SHB: variants seen among roughly 807,000 people sequenced by gnomAD.
SHB encodes SH2 domain containing adaptor protein B.
A neutral mutation model predicts 52.3 loss-of-function variants in SHB; 20 were observed. That is an observed-to-expected ratio of 0.38 (90% confidence interval 0.27 to 0.56). The LOEUF is 0.56. Among genes scored for constraint, SHB ranks in the 20% least tolerant of loss-of-function variants. SHB has a pLI of 0.71. For synonymous variants in SHB, 397 were observed against 316.5 expected (o/e 1.25, Z -2.70); for missense variants, 825 against 723.3 (o/e 1.14, Z -1.61).
chr9:37,997,557 C>A (rs1460905844), intron 2 of SHB, among the ~76,000 whole-genome samples: 2 of 152,226 alleles, frequency 1.3e-5, no homozygotes, highest in Non-Finnish European at 2.9e-5. Flanking sequence ...TCCACATCCA[C>A]TGGGGCTTGG....
chr9:38,041,311 C>CG (rs1354429031), intron 1 of SHB, among the ~76,000 whole-genome samples: 3 of 152,144 alleles, frequency 2.0e-5, no homozygotes, highest in African/African-American at 4.8e-5. Context: ...ACCAGTCAGG[C>CG]GGGGGCTGTG....
intron 2 of SHB, among the ~76,000 whole-genome samples, chr9:37,997,150 A>T (rs1467412849): frequency 6.6e-6 from 1 of 152,184 alleles, no homozygotes; most frequent in Non-Finnish European, 1.5e-5. Flanking sequence ...GTCATCGAAC[A>T]TCTTGGCAGC....
At chr9:37,946,669 G>A (rs1258154558) in intron 5 of SHB, among the ~76,000 whole-genome samples, 1 of 152,170 alleles carries the variant, frequency 6.6e-6, no homozygotes, top group East Asian at 1.9e-4. Flanking sequence ...TGGGGCTCTG[G>A]TCCTCTAGGA....
chr9:37,984,781 T>G (rs1820783922), intron 2 of SHB, among the ~76,000 whole-genome samples: 1 of 152,050 alleles, frequency 6.6e-6, no homozygotes, highest in Non-Finnish European at 1.5e-5. Context: ...GGAGGTGACT[T>G]TACCCCCATC....
intron 5 of SHB, among the ~76,000 whole-genome samples, chr9:37,928,758 C>G (rs1279052787): frequency 6.6e-6 from 1 of 152,232 alleles, no homozygotes; most frequent in Non-Finnish European, 1.5e-5. Flanking sequence ...GCTCGCCTGG[C>G]CCCTTATGTA....
chr9:38,048,344 A>G (rs929925990), intron 1 of SHB, among the ~76,000 whole-genome samples: 1 of 152,196 alleles, frequency 6.6e-6, no homozygotes, highest in African/African-American at 2.4e-5. Flanking sequence ...TCCTGCGTTT[A>G]AAAAAGTATT....
intron 2 of SHB, among the ~76,000 whole-genome samples, chr9:37,997,766 C>T (rs113692849): frequency 0.014 from 2,097 of 152,282 alleles, 18 homozygotes; most frequent in Middle Eastern, 0.034. Context: ...ACACGGAGGC[C>T]GAGGCACTCT....
chr9:38,005,482 C>T (rs1326310264), intron 2 of SHB, among the ~76,000 whole-genome samples: 1 of 152,184 alleles, frequency 6.6e-6, no homozygotes, highest in Non-Finnish European at 1.5e-5. Context: ...AGGGAGGACT[C>T]AGACCTGCTG....
intron 2 of SHB, among the ~76,000 whole-genome samples, chr9:37,991,571 T>C (rs1475888239): frequency 1.3e-5 from 2 of 152,158 alleles, no homozygotes; most frequent in Non-Finnish European, 2.9e-5. Context: ...AGGTACTCGA[T>C]TATTAAAGAA....
At chr9:38,008,279 C>T (rs918789724) in intron 2 of SHB, among the ~76,000 whole-genome samples, 3 of 152,194 alleles carry the variant, frequency 2.0e-5, no homozygotes, top group Admixed American at 6.5e-5. Flanking sequence ...AGAGTGGGCC[C>T]GCTGGTCGCC....
At chr9:37,963,923 A>G (rs1587216228) in intron 3 of SHB, among the ~76,000 whole-genome samples, 1 of 152,152 alleles carries the variant, frequency 6.6e-6, no homozygotes, top group South Asian at 2.1e-4. Flanking sequence ...ACAGCAAAAC[A>G]AGTATTAGAA....
At chr9:37,968,404 T>C (rs1423821334) in intron 3 of SHB, among the ~76,000 whole-genome samples, 1 of 152,188 alleles carries the variant, frequency 6.6e-6, no homozygotes, top group Non-Finnish European at 1.5e-5. Context: ...CATTGCCCCA[T>C]GGGTCCCAAC....
rs1013253575 is a variant in SHB, at chr9:38,068,704, G to T, written c.-59C>A. On this transcript the variant is annotated 5_prime_UTR_variant, in exon 1 of 6. Transcript: ENST00000377707. ...CCCGGTCCGCCGCCGCGGCCATTCG[G>T]GGGGCAGCGCTGCGGCGCAGGTCCC... 8 of 1,217,600 alleles carry T rather than the reference G, an allele frequency of 6.6e-6. No individual in the cohort carries two copies. The highest frequency in any genetic ancestry group is 3.0e-5 in the South Asian group (1 of 33,056). The allele number at this position is 1,217,600 out of a possible 1,614,324, so 75.4% of individuals were successfully genotyped here.
At chr9:37,936,193 G>T (rs1832368867) in intron 5 of SHB, among the ~76,000 whole-genome samples, 1 of 152,178 alleles carries the variant, frequency 6.6e-6, no homozygotes, top group Non-Finnish European at 1.5e-5. Flanking sequence ...TCCAGCCTGG[G>T]CGACAGAGCG....
chr9:38,049,458 A>C lies in SHB; in HGVS notation c.717+18471T>G, dbSNP rs73439927. On this transcript the variant is annotated intron_variant, in intron 1 of 5. Transcript: ENST00000377707. ...AGCCCATCTCTACTAAAAGAATGCA[A>C]AAATTGGCTGGGTGCGGTGAGGCGC... Among the ~76,000 whole-genome samples, 829 of 152,158 alleles carry C rather than the reference A, an allele frequency of 5.4e-3. 10 individuals are homozygous for C. Among genetic ancestry groups the C allele is most frequent in the African/African-American group, 0.019 (779 of 41,528 alleles).
intron 3 of SHB, among the ~76,000 whole-genome samples, chr9:37,962,816 C>T (rs527585669): frequency 6.6e-6 from 1 of 152,264 alleles, no homozygotes; most frequent in East Asian, 1.9e-4. Flanking sequence ...CCTGGCCTAG[C>T]TTACTCTTTA....
In SHB at chr9:38,068,123, C is replaced by G. The variant is rs866727028; in HGVS notation, c.523G>C (p.Glu175Gln). ...TGCTTGGGGGAGATGTAGCGCACCT[C>G]GGCCGGCGTGGCGGGCCGCCGCTCG... ...SSERRPATPAEVRYISPKHRL... is the reference protein window; with the variant it reads ...SSERRPATPAQVRYISPKHRL... Residue 175 changes from glutamate to glutamine, a missense_variant, in exon 1 of 6, where the codon GAG (glutamate) becomes CAG (glutamine). Glu to Gln is a conservative substitution (Grantham distance 29). Transcript: ENST00000377707. 5.5e-6 allele frequency: 8 copies of G among 1,460,002 alleles called. No individual in the cohort carries two copies. Among genetic ancestry groups the G allele is most frequent in the Non-Finnish European group, 7.2e-6 (8 of 1,118,582 alleles). 90.4% of individuals were successfully genotyped at this position (1,460,002 alleles called of 1,614,324 possible). A position where few individuals can be genotyped will look rare whatever the true frequency, so the allele number is the denominator to read the frequency against.
chr9:38,041,797 C>T (rs1295085935), intron 1 of SHB, among the ~76,000 whole-genome samples: 3 of 152,112 alleles, frequency 2.0e-5, no homozygotes, highest in Non-Finnish European at 4.4e-5. Flanking sequence ...GTACTGAATG[C>T]CCGAAGCACA....
chr9:37,978,595 T>C (rs557672432), intron 2 of SHB, among the ~76,000 whole-genome samples: 20 of 152,204 alleles, frequency 1.3e-4, no homozygotes, highest in Non-Finnish European at 2.8e-4. Context: ...ACGCAGGCTT[T>C]TTAAACAAGT....
Sources: gnomAD v4.1 joint callset for allele counts (sites outside exome capture counted in the v4.1 genomes callset) on GRCh38, gnomAD v4.1.1 for gene constraint, MANE v1.5 for transcripts, NCBI Gene and HGNC (gene_info 2026-07-23, HGNC 2026-07-21) for gene names.